The following MAP3K2 variants were observed in gnomAD, a reference collection of about 807,000 sequenced individuals.
MAP3K2 encodes the protein MAP/ERK kinase kinase 2.
A neutral mutation model predicts 80.3 loss-of-function variants in MAP3K2; 24 were observed. That is an observed-to-expected ratio of 0.30 (90% CI 0.22 to 0.42). The LOEUF is 0.42. MAP3K2 is among the 10% of genes least tolerant of loss of function. The probability of loss-of-function intolerance (pLI) is 1.00; values close to 1 mark genes in which losing one functional copy is unlikely to be tolerated. For missense variants in MAP3K2, 608 were observed against 750.1 expected, an observed-to-expected ratio of 0.81 and a Z score of 2.21; for synonymous variants, 244 against 253.7, an observed-to-expected ratio of 0.96 and a Z score of 0.36.
At chr2:127,365,154 A>G (rs1008599763) in intron 1 of MAP3K2, among the ~76,000 whole-genome samples, 24 of 133,864 alleles carry the variant, frequency 1.8e-4, no homozygotes, top group African/African-American at 6.4e-4. Flanking sequence ...AAAAAAAAAA[A>G]GCTACTATTT....
At chr2:127,333,739 G>T (rs527703557) in intron 5 of MAP3K2, among the ~76,000 whole-genome samples, 2 of 151,826 alleles carry the variant, frequency 1.3e-5, no homozygotes, top group African/African-American at 4.9e-5. Context: ...CCTTCAGAAA[G>T]CATGAGAAAA....
chr2:127,312,638 G>A (rs941748309), intron 15 of MAP3K2, among the ~76,000 whole-genome samples: 1 of 152,046 alleles, frequency 6.6e-6, no homozygotes, highest in Non-Finnish European at 1.5e-5. Context: ...TCTAGCCTGG[G>A]TGACAGAGGG....
At chr2:127,327,800 T>C (rs1441563631) in intron 7 of MAP3K2, among the ~76,000 whole-genome samples, 1 of 152,180 alleles carries the variant, frequency 6.6e-6, no homozygotes, top group Non-Finnish European at 1.5e-5. Context: ...TTTAAAGCAG[T>C]GCCAATAAAA....
At chr2:127,333,826 C>T (rs1312448649) in intron 5 of MAP3K2, among the ~76,000 whole-genome samples, 3 of 152,178 alleles carry the variant, frequency 2.0e-5, no homozygotes, top group Admixed American at 6.5e-5. Context: ...AGGCCAGGCG[C>T]GGTGGCTCAT....
intron 1 of MAP3K2, among the ~76,000 whole-genome samples, chr2:127,351,877 GT>G (rs546317178): frequency 8.8e-5 from 13 of 147,806 alleles, no homozygotes; most frequent in Admixed American, 2.0e-4. Context: ...GTTTTTTTGT[GT>G]TTTTTTTTTC....
chr2:127,373,381 T>G (rs1049079599), intron 1 of MAP3K2, among the ~76,000 whole-genome samples: 1 of 152,218 alleles, frequency 6.6e-6, no homozygotes, highest in African/African-American at 2.4e-5. Flanking sequence ...AATTTCTTGC[T>G]AAGACCTCAA....
intron 1 of MAP3K2, among the ~76,000 whole-genome samples, chr2:127,367,320 A>G (rs538291283): frequency 2.0e-5 from 3 of 152,304 alleles, no homozygotes; most frequent in South Asian, 2.1e-4. Flanking sequence ...TGACATATGT[A>G]TATTATACAA....
chr2:127,308,164 A>T (rs1558971993), intron 16 of MAP3K2, among the ~76,000 whole-genome samples: 1 of 152,194 alleles, frequency 6.6e-6, no homozygotes, highest in South Asian at 2.1e-4. Context: ...AATGTCTATT[A>T]AAGTCTTTTC....
At chr2:127,367,430 T>C (rs1285529050) in intron 1 of MAP3K2, among the ~76,000 whole-genome samples, 1 of 152,360 alleles carries the variant, frequency 6.6e-6, no homozygotes, top group African/African-American at 2.4e-5. Flanking sequence ...TGTTGATCTA[T>C]CTCTCCTTAA....
chr2:127,376,980 G>C (rs1687163355), intron 1 of MAP3K2, among the ~76,000 whole-genome samples: 1 of 151,924 alleles, frequency 6.6e-6, no homozygotes, highest in South Asian at 2.1e-4. Flanking sequence ...AGGAATGCTT[G>C]AGTCTGGGAG....
Position 127,364,516 on chromosome 2 carries a change from T to C in MAP3K2, c.-65-21322A>G, listed in dbSNP as rs763864870. ...GAAAAGAATTATCGTCTGTGGACTG[T>C]CAGACGATGTGCTAGACATTTCACA... On this transcript the variant is annotated intron_variant, in intron 1 of 16. Transcript: ENST00000682094. The surrounding 1 kb of genome is among the most constrained non-coding windows in gnomAD (Gnocchi z 4.1). 2.6e-5 allele frequency among the ~76,000 whole-genome samples: 4 copies of C among 152,172 alleles called. No homozygotes were observed. The highest frequency in any genetic ancestry group is 4.4e-5 in the Non-Finnish European group (3 of 68,032).
At chr2:127,369,693 T>G (rs1687030556) in intron 1 of MAP3K2, among the ~76,000 whole-genome samples, 1 of 152,158 alleles carries the variant, frequency 6.6e-6, no homozygotes, top group African/African-American at 2.4e-5. Flanking sequence ...TTTATCCTTC[T>G]GGGCATATGG....
intron 1 of MAP3K2, among the ~76,000 whole-genome samples, chr2:127,376,376 T>C (rs1687152091): frequency 6.6e-6 from 1 of 152,186 alleles, no homozygotes; most frequent in Admixed American, 6.5e-5. Context: ...ACTCAAGGCC[T>C]TTGTCATTAA....
At position 127,339,205 on chromosome 2, in the gene MAP3K2, T is replaced by C. The variant is rs189514302; in HGVS notation, c.5-155A>G. Among the ~76,000 whole-genome samples the C allele has an allele frequency of 2.8e-3, 422 of 152,346 alleles. 1 individual carries two copies. Among genetic ancestry groups the C allele is most frequent in the African/African-American group, 9.6e-3 (399 of 41,584 alleles). On this transcript the variant is annotated intron_variant, in intron 2 of 16. Coordinates refer to ENST00000682094, the MANE Select transcript of MAP3K2 (RefSeq NM_001371910.2). This position sits in a 1 kb window ranked among gnomAD's most constrained non-coding sequence, Gnocchi z 4.2. ...AGAACATTTTTAATGCCTACACTTT[T>C]GGTAAAATAAAATTGCACTAGACTT...
rs1452558509 is a variant in MAP3K2, at chr2:127,304,330, GT to G, written c.*3248del. ...TAACAACCCATCAAAATTTCCACTAGTCATTATGATTTTTTTAACCCTTTTA... is the reference window on the plus strand; with the variant it reads ...TAACAACCCATCAAAATTTCCACTAGCATTATGATTTTTTTAACCCTTTTA... On this transcript the variant is annotated 3_prime_UTR_variant, in exon 17 of 17. Coordinates refer to ENST00000682094, the MANE Select transcript of MAP3K2 (RefSeq NM_001371910.2). 6.6e-6 allele frequency: 1 copy of G among 152,028 alleles called. No homozygotes were observed. The highest frequency in any genetic ancestry group is 1.5e-5 in the Non-Finnish European group (1 of 67,998). 9.4% of individuals were successfully genotyped at this position (152,028 alleles called of 1,614,324 possible).
chr2:127,350,478 A>G (rs1369274177), intron 1 of MAP3K2, among the ~76,000 whole-genome samples: 5 of 150,378 alleles, frequency 3.3e-5, no homozygotes, highest in Non-Finnish European at 7.4e-5. Context: ...AAAAGAAAGA[A>G]GAAAACCATG....
At position 127,317,616 on chromosome 2, in the gene MAP3K2, T is replaced by G. The variant is rs1198976492; in HGVS notation, c.1326+13A>C. The G allele has an allele frequency of 9.2e-6, 14 of 1,526,606 alleles. No homozygotes were observed. The East Asian group carries it at 2.2e-4, about 24-fold the overall frequency. 94.6% of individuals were successfully genotyped at this position (1,526,606 alleles called of 1,614,324 possible). A position where few individuals can be genotyped will look rare whatever the true frequency, so the allele number is the denominator to read the frequency against. On this transcript the variant is annotated intron_variant, in intron 14 of 16. Transcript: ENST00000682094. Reference sequence around the variant, plus strand: ...AATAGAATGTGTATTTTCAAAAAGATGTACTAACTTACCCCTGGCATATAT... The same window carrying G: ...AATAGAATGTGTATTTTCAAAAAGAGGTACTAACTTACCCCTGGCATATAT...
Position 127,337,738 on chromosome 2 carries a change from CT to C in MAP3K2, c.163del (p.Arg55GlufsTer14). ...TAACATGTAATGTTTCCTTCCTTACCTTTTTTCTCCTCTATGTTCAAATTTG... is the reference window on the plus strand; with the variant it reads ...TAACATGTAATGTTTCCTTCCTTACCTTTTTCTCCTCTATGTTCAAATTTG... ...RVKFEHRGEK[R>X]ILQFPRPVKL... On this transcript the variant is annotated frameshift_variant and splice_region_variant, in exon 4 of 17. Coordinates refer to ENST00000682094, the MANE Select transcript of MAP3K2 (RefSeq NM_001371910.2). LOFTEE classifies it high-confidence loss of function. 2 of 1,499,460 alleles carry C rather than the reference CT, an allele frequency of 1.3e-6. No homozygotes were observed. Among genetic ancestry groups the C allele is most frequent in the Non-Finnish European group, 1.8e-6 (2 of 1,105,792 alleles). 92.9% of individuals were successfully genotyped at this position (1,499,460 alleles called of 1,614,324 possible).
At chr2:127,359,638 G>A (rs2104870835) in intron 1 of MAP3K2, among the ~76,000 whole-genome samples, 1 of 152,306 alleles carries the variant, frequency 6.6e-6, no homozygotes, top group Non-Finnish European at 1.5e-5. Flanking sequence ...CAATGCTGCA[G>A]CCTGGTGGGA....
Sources: allele counts gnomAD v4.1 joint callset (sites outside exome capture counted in the v4.1 genomes callset), GRCh38; gene constraint gnomAD v4.1.1; non-coding constraint Gnocchi (gnomAD v3.1); transcripts MANE v1.5; gene names NCBI Gene and HGNC (gene_info 2026-07-23, HGNC 2026-07-21).